Variants in NDUFS1 observed in about 807,000 individuals in gnomAD.
NDUFS1 encodes the protein NADH-ubiquinone oxidoreductase 75 kDa subunit, mitochondrial.
A neutral mutation model predicts 84.4 loss-of-function variants in NDUFS1; 61 were observed. That is an observed-to-expected ratio of 0.72 (90% confidence interval 0.59 to 0.89). NDUFS1 has a LOEUF of 0.89. NDUFS1 is among the 40% of genes least tolerant of loss of function. The probability of loss-of-function intolerance (pLI) is 0.00; values close to 1 mark genes in which losing one functional copy is unlikely to be tolerated. For missense variants in NDUFS1, 891 were observed against 890.0 expected (o/e 1.00, Z -0.01); for synonymous variants, 275 against 290.0 (o/e 0.95, Z 0.53).
intron 15 of NDUFS1, among the ~76,000 whole-genome samples, chr2:206,129,170 T>A (rs1304210935): frequency 6.6e-6 from 1 of 152,240 alleles, no homozygotes; most frequent in Non-Finnish European, 1.5e-5. Flanking sequence ...CACATTTGTA[T>A]ATGCGTATGA....
chr2:206,124,073 A>G lies in NDUFS1; in HGVS notation c.*112T>C. On this transcript the variant is annotated 3_prime_UTR_variant, in exon 19 of 19. Transcript: ENST00000233190. Reference sequence around the variant, plus strand: ...GGCATAGTATAACCTTAAATATTACATGATTCAAATTATTATTATTTTTTT... The same window carrying G: ...GGCATAGTATAACCTTAAATATTACGTGATTCAAATTATTATTATTTTTTT... 1 of 756,670 alleles carries G rather than the reference A, an allele frequency of 1.3e-6. No homozygotes were observed. Among genetic ancestry groups the G allele is most frequent in the Non-Finnish European group, 2.3e-6 (1 of 442,046 alleles). 46.9% of individuals were successfully genotyped at this position (756,670 alleles called of 1,614,324 possible).
intron 12 of NDUFS1, among the ~76,000 whole-genome samples, chr2:206,140,943 T>TATATATATACACACACACACACACACAC (rs367723817): frequency 1.2e-4 from 17 of 136,132 alleles, no homozygotes; most frequent in African/African-American, 4.7e-4. Flanking sequence ...TATATATATA[T>TATATATATACACACACACACACACACAC]ACACACACAC....
Position 206,149,019 on chromosome 2 carries a change from C to G in NDUFS1, c.338+1G>C. Reference sequence around the variant, plus strand: ...TACTACATTGAATAACAATAAAGTACCTGGCTTTTTTGGATTTTTCTGAGT... The same window carrying G: ...TACTACATTGAATAACAATAAAGTAGCTGGCTTTTTTGGATTTTTCTGAGT... On this transcript the variant is annotated splice_donor_variant, in intron 5 of 18. Coordinates refer to ENST00000233190, the MANE Select transcript of NDUFS1 (RefSeq NM_005006.7). LOFTEE classifies it high-confidence loss of function. 1 of 1,603,630 alleles carries G rather than the reference C, an allele frequency of 6.2e-7. No individual in the cohort carries two copies. Among genetic ancestry groups the G allele is most frequent in the Non-Finnish European group, 8.5e-7 (1 of 1,170,990 alleles).
rs376871054 is a variant in NDUFS1 at position 206,145,041 on chromosome 2, C to T, written c.738-15G>A. The T allele has an allele frequency of 1.0e-4, 166 of 1,610,432 alleles. No individual in the cohort carries two copies. The Admixed American group carries it at 1.1e-3, about 10-fold the overall frequency. ...ATTCTGTCTTTCTGAGAAACACATA[C>T]GGTGTTTACTATGGTGCTTTTGGGA... On this transcript the variant is annotated splice_polypyrimidine_tract_variant and intron_variant, in intron 8 of 18. Coordinates refer to ENST00000233190, the MANE Select transcript of NDUFS1 (RefSeq NM_005006.7).
At chr2:206,153,226 C>T (rs1342276039) in intron 2 of NDUFS1, among the ~76,000 whole-genome samples, 1 of 146,064 alleles carries the variant, frequency 6.8e-6, no homozygotes, top group Non-Finnish European at 1.5e-5. Flanking sequence ...GATGGAGTCT[C>T]GATCTATCTC....
At chr2:206,134,044 T>G (rs6730665) in intron 13 of NDUFS1, among the ~76,000 whole-genome samples, 75,928 of 152,072 alleles carry the variant, frequency 0.5, 19,862 homozygotes, top group African/African-American at 0.65. Context: ...ACCCATCCTT[T>G]GTGTCATTCT....
chr2:206,157,396 G>C (rs1242181168), intron 1 of NDUFS1, among the ~76,000 whole-genome samples: 1 of 152,234 alleles, frequency 6.6e-6, no homozygotes, highest in Admixed American at 6.5e-5. Flanking sequence ...TTGAGGACAA[G>C]GAATTTGGAC....
At position 206,142,733 on chromosome 2, in the gene NDUFS1, G is replaced by T. The variant is rs753523350; in HGVS notation, c.1086C>A (p.Asp362Glu). 1 of 1,614,146 alleles carries T rather than the reference G, an allele frequency of 6.2e-7. No homozygotes were observed. Among genetic ancestry groups the T allele is most frequent in the South Asian group, 1.1e-5 (1 of 91,082 alleles). Residue 362 changes from aspartate (D) to glutamate (E), a missense_variant, in exon 11 of 19, where the codon GAC becomes GAA. Coordinates refer to ENST00000233190, the MANE Select transcript of NDUFS1 (RefSeq NM_005006.7). ...CCTCTTCAGTGCATAAGGTGTCAGA[G>T]TCCACTCTATTAAGCAAATCTTTGA... The part of the protein sequence containing the change: ...VALKDLLNRV[D>E]SDTLCTEEVF...
At position 206,139,311 on chromosome 2, in the gene NDUFS1, GA is replaced by G. The variant is rs540890525; in HGVS notation, c.1263-698del. Among the ~76,000 whole-genome samples, 1,079 of 151,862 alleles carry G rather than the reference GA, an allele frequency of 7.1e-3. 20 individuals carry two copies. Among genetic ancestry groups the G allele is most frequent in the African/African-American group, 0.025 (1,026 of 41,442 alleles). On this transcript the variant is annotated intron_variant, in intron 12 of 18. Transcript: ENST00000233190. ...AGCAATTTTCCTGCCTCACCCTCCG[GA>G]GTAGCTGGGATTACAGGCACCTGCC...
chr2:206,159,266 C>A, intron 1 of NDUFS1, 75 bp downstream of exon 1: 1 of 841,912 alleles, frequency 1.2e-6, no homozygotes, highest in Non-Finnish European at 1.9e-6. Flanking sequence ...TCGCGTGGGC[C>A]AAAGGAAACA....
At chr2:206,141,612 G>C (rs1362230449) in intron 12 of NDUFS1, among the ~76,000 whole-genome samples, 2 of 131,470 alleles carry the variant, frequency 1.5e-5, no homozygotes, top group African/African-American at 5.9e-5. Flanking sequence ...AAAAAAAAAG[G>C]CTCGGTGCAG....
At chr2:206,149,713 AG>A in intron 4 of NDUFS1, 104 bp downstream of exon 4, 2 of 803,824 alleles carry the variant, frequency 2.5e-6, no homozygotes, top group Admixed American at 4.1e-5. Context: ...AGAAGTAAAG[AG>A]GGCTAGGTTC....
intron 13 of NDUFS1, 86 bp downstream of exon 13, chr2:206,138,399 T>C (rs1391317533): frequency 1.3e-6 from 2 of 1,497,190 alleles, no homozygotes; most frequent in South Asian, 1.2e-5. Context: ...GTTTTAACAC[T>C]TACATAGGAT....
rs1216705079 is a variant in NDUFS1 at position 206,119,657 on chromosome 2, C to G, written c.*4528G>C. ...CGAAAACTCCTGACCTCAGGTGATC[C>G]GCCTGCCTCGGCCTCCCAAAGTGCT... On this transcript the variant is annotated 3_prime_UTR_variant, in exon 19 of 19. Transcript: ENST00000233190. 6.6e-6 allele frequency: 1 copy of G among 152,056 alleles called. No homozygotes were observed. Among genetic ancestry groups the G allele is most frequent in the African/African-American group, 2.4e-5 (1 of 41,410 alleles). 9.4% of individuals were successfully genotyped at this position (152,056 alleles called of 1,614,324 possible).
chr2:206,129,261 T>C (rs1227582366), intron 15 of NDUFS1, among the ~76,000 whole-genome samples: 2 of 152,144 alleles, frequency 1.3e-5, no homozygotes, highest in Non-Finnish European at 2.9e-5. Flanking sequence ...GTTTATTTTG[T>C]TTTTAATTTT....
At chr2:206,138,670 C>A in intron 12 of NDUFS1, 56 bp from the exon 13 acceptor site, 1 of 1,536,934 alleles carries the variant, frequency 6.5e-7, no homozygotes, top group South Asian at 1.1e-5. Flanking sequence ...AGTTACTGGT[C>A]TCATCAATCC....
rs2105932650 is a variant in NDUFS1, at chr2:206,116,544, C to T, written c.*7641G>A. On this transcript the variant is annotated 3_prime_UTR_variant, in exon 19 of 19. Coordinates refer to ENST00000233190, the MANE Select transcript of NDUFS1 (RefSeq NM_005006.7). ...ATGGCAGCGCTACGCCTCAGCCACT[C>T]GCGCGGGGAGGCGGGGCGGTGTGGG... The T allele has an allele frequency of 5.0e-6, 4 of 802,884 alleles. No individual in the cohort carries two copies. Among genetic ancestry groups the T allele is most frequent in the East Asian group, 2.8e-5 (1 of 36,324 alleles). 49.7% of individuals were successfully genotyped at this position (802,884 alleles called of 1,614,324 possible).
At position 206,127,810 on chromosome 2, in the gene NDUFS1, CTTA is replaced by C; in HGVS notation, c.1868_1870del (p.Ile623del). 6.2e-7 allele frequency: 1 copy of C among 1,614,052 alleles called. No individual in the cohort carries two copies. Among genetic ancestry groups the C allele is most frequent in the Non-Finnish European group, 8.5e-7 (1 of 1,179,980 alleles). On this transcript the variant is annotated inframe_deletion, in exon 16 of 19. Coordinates refer to ENST00000233190, the MANE Select transcript of NDUFS1 (RefSeq NM_005006.7). ...CAGAAATTATACCTCAGAGAGTGCT[CTTA>C]TAATTTTCCAGTCTTCTCTTGCCAA... is the stretch of plus-strand genomic sequence containing the variant.
chr2:206,157,611 T>G (rs570641060), intron 1 of NDUFS1, among the ~76,000 whole-genome samples: 2 of 152,334 alleles, frequency 1.3e-5, no homozygotes, highest in East Asian at 3.8e-4. Context: ...ACTTTAATAC[T>G]TTTTTATCTC....
Sources: allele counts gnomAD v4.1 joint callset (sites outside exome capture counted in the v4.1 genomes callset), GRCh38; gene constraint gnomAD v4.1.1; transcripts MANE v1.5; gene names NCBI Gene and HGNC (gene_info 2026-07-23, HGNC 2026-07-21).